MINDY4: variants seen among roughly 807,000 people sequenced by gnomAD.
MINDY4 encodes MINDY lysine 48 deubiquitinase 4.
A neutral mutation model predicts 87.0 loss-of-function variants in MINDY4; 68 were observed. The observed-to-expected ratio is 0.78, with a 90% CI of 0.64 to 0.96. MINDY4 has a LOEUF of 0.96. MINDY4 is among the 40% of genes least tolerant of loss of function. The probability of loss-of-function intolerance (pLI) is 0.00; values close to 1 mark genes in which losing one functional copy is unlikely to be tolerated. For missense variants in MINDY4, 919 were observed against 928.2 expected (o/e 0.99, Z 0.13); for synonymous variants, 379 against 363.2 (o/e 1.04, Z -0.50).
intron 13 of MINDY4, 72 bp from the exon 14 acceptor site, chr7:30,872,171 C>T (rs1430030819): frequency 1.4e-6 from 2 of 1,413,522 alleles, no homozygotes; most frequent in Admixed American, 1.7e-5. Context: ...AAGGGGAGCG[C>T]CTGGTCACCT....
intron 17 of MINDY4, among the ~76,000 whole-genome samples, chr7:30,889,264 A>G (rs1374316814): frequency 6.6e-6 from 1 of 152,200 alleles, no homozygotes; most frequent in Admixed American, 6.5e-5. Flanking sequence ...AAAATCTCAA[A>G]TGCTCATCGT....
chr7:30,862,072 A>G (rs1440989258), intron 13 of MINDY4, among the ~76,000 whole-genome samples: 2 of 152,256 alleles, frequency 1.3e-5, no homozygotes, highest in African/African-American at 2.4e-5. Flanking sequence ...AGTTAAACTG[A>G]GGGCTTCAAG....
chr7:30,865,318 C>G (rs915598648), intron 13 of MINDY4, among the ~76,000 whole-genome samples: 1 of 152,252 alleles, frequency 6.6e-6, no homozygotes, highest in Non-Finnish European at 1.5e-5. Context: ...TCAATAAACT[C>G]CAGCCGAACT....
At chr7:30,840,937 C>T (rs935751168) in intron 9 of MINDY4, 89 bp downstream of exon 9, 1 of 1,158,884 alleles carries the variant, frequency 8.6e-7, no homozygotes, top group Non-Finnish European at 1.3e-6. Flanking sequence ...CATGTGTGTT[C>T]CCTGATATTT....
intron 17 of MINDY4, among the ~76,000 whole-genome samples, 176 bp downstream of exon 17, chr7:30,883,169 T>TG (rs1183707554): frequency 6.6e-6 from 1 of 152,122 alleles, no homozygotes; most frequent in Non-Finnish European, 1.5e-5. Context: ...GGGCCCAGGT[T>TG]CAGGAGTGTG....
intron 5 of MINDY4, among the ~76,000 whole-genome samples, chr7:30,821,276 C>A (rs1031406215): frequency 6.6e-6 from 1 of 152,052 alleles, no homozygotes; most frequent in Admixed American, 6.6e-5. Context: ...TGATATGAGT[C>A]CTTGATCGTT....
At chr7:30,836,957 C>T (rs150624121) in intron 7 of MINDY4, among the ~76,000 whole-genome samples, 193 bp downstream of exon 7, 103 of 152,264 alleles carry the variant, frequency 6.8e-4, no homozygotes, top group Non-Finnish European at 1.1e-3. Flanking sequence ...TTGCAGCTCT[C>T]GTTCCCTCTC....
intron 17 of MINDY4, among the ~76,000 whole-genome samples, chr7:30,885,601 G>T (rs1188181763): frequency 6.6e-6 from 1 of 152,094 alleles, no homozygotes; most frequent in Non-Finnish European, 1.5e-5. Context: ...TATTCAGTAG[G>T]TCCAGGGTAG....
chr7:30,808,418 G>A (rs1787882850), intron 5 of MINDY4, among the ~76,000 whole-genome samples: 1 of 152,092 alleles, frequency 6.6e-6, no homozygotes, highest in Non-Finnish European at 1.5e-5. Context: ...TCTGATTTTG[G>A]TTTTGATTCT....
intron 1 of MINDY4, among the ~76,000 whole-genome samples, chr7:30,775,971 A>G (rs998170068): frequency 2.6e-5 from 4 of 152,186 alleles, no homozygotes; most frequent in Admixed American, 6.5e-5. Context: ...TATCCAGTCC[A>G]TCAGCAAATC....
intron 13 of MINDY4, among the ~76,000 whole-genome samples, chr7:30,865,749 C>A (rs1010828597): frequency 6.6e-6 from 1 of 152,200 alleles, no homozygotes; most frequent in African/African-American, 2.4e-5. Flanking sequence ...ACCCTTTTCT[C>A]ATTTACAGGT....
At chr7:30,847,053 G>A (rs1304722456) in intron 9 of MINDY4, among the ~76,000 whole-genome samples, 1 of 152,158 alleles carries the variant, frequency 6.6e-6, no homozygotes, top group African/African-American at 2.4e-5. Context: ...GGCAGTGTTG[G>A]AATGATGCTT....
At chr7:30,821,378 G>A (rs1005199885) in intron 5 of MINDY4, among the ~76,000 whole-genome samples, 6 of 152,120 alleles carry the variant, frequency 3.9e-5, no homozygotes, top group African/African-American at 1.4e-4. Context: ...TTTTAGTTGG[G>A]AATTTCAAAG....
At chr7:30,828,860 GGT>G (rs1788601594) in intron 6 of MINDY4, 123 bp downstream of exon 6, 10 of 810,974 alleles carry the variant, frequency 1.2e-5, no homozygotes, top group Admixed American at 2.0e-5. Context: ...GAGTGGGGCT[GGT>G]CAAGTGAGTA....
At chr7:30,872,210 A>C (rs368338029) in intron 13 of MINDY4, 33 bp from the exon 14 acceptor site, 13 of 1,612,198 alleles carry the variant, frequency 8.1e-6, no homozygotes, top group Non-Finnish European at 1.1e-5. Context: ...GGTCAGGCAG[A>C]GCTGTGCTAA....
intron 6 of MINDY4, among the ~76,000 whole-genome samples, chr7:30,832,656 C>T (rs571669805): frequency 7.9e-5 from 12 of 152,210 alleles, no homozygotes; most frequent in African/African-American, 1.9e-4. Flanking sequence ...ATTACAGGCC[C>T]GTGCCACCAC....
At chr7:30,891,893 TG>T in intron 17 of MINDY4, 63 bp from the exon 18 acceptor site, 1 of 1,538,028 alleles carries the variant, frequency 6.5e-7, no homozygotes, top group Non-Finnish European at 9.0e-7. Flanking sequence ...AGGCAAGAGA[TG>T]GGCTCTCATC....
At chr7:30,772,280 C>A (rs1294142455) in intron 1 of MINDY4, among the ~76,000 whole-genome samples, 1 of 152,072 alleles carries the variant, frequency 6.6e-6, no homozygotes, top group African/African-American at 2.4e-5. Flanking sequence ...TCTGTCCTTG[C>A]AGTGTCATAC....
chr7:30,775,183 C>T (rs1445050409), intron 1 of MINDY4, among the ~76,000 whole-genome samples: 1 of 152,026 alleles, frequency 6.6e-6, no homozygotes, highest in African/African-American at 2.4e-5. Flanking sequence ...TAGTGCAGAC[C>T]CTGCAGGTTA....
Sources: gnomAD v4.1 joint callset for allele counts (sites outside exome capture counted in the v4.1 genomes callset) on GRCh38, gnomAD v4.1.1 for gene constraint, MANE v1.5 for transcripts, NCBI Gene and HGNC (gene_info 2026-07-23, HGNC 2026-07-21) for gene names.